ZNF695: variants seen among roughly 807,000 people sequenced by gnomAD.
ZNF695 encodes the protein zinc finger protein 695.
A neutral mutation model predicts 11.2 loss-of-function variants in ZNF695; 11 were observed. That is an observed-to-expected ratio of 0.98 (90% CI 0.62 to 1.62). The LOEUF (loss-of-function observed/expected upper bound fraction) is 1.62. ZNF695 is among the 40% of genes most tolerant of loss of function. The pLI is 0.00. For synonymous variants in ZNF695, 190 were observed against 201.4 expected (o/e 0.94, Z 0.48); for missense variants, 559 against 590.5 (o/e 0.95, Z 0.55).
chr1:246,959,310 A>AATATATATATATATAT (rs1158852538), intron 5 of ZNF695, among the ~76,000 whole-genome samples: 10 of 51,244 alleles, frequency 2.0e-4, no homozygotes, highest in South Asian at 9.1e-4. Flanking sequence ...AAAAAAAAAA[A>AATATATATATATATAT]ATATATATAT....
intron 3 of ZNF695, among the ~76,000 whole-genome samples, chr1:246,992,275 T>G (rs902149229): frequency 2.0e-5 from 3 of 152,110 alleles, no homozygotes; most frequent in African/African-American, 7.2e-5. Context: ...GGTCACCACG[T>G]TAAGTAAAAT....
At chr1:246,970,841 A>G (rs1359900229) in intron 4 of ZNF695, among the ~76,000 whole-genome samples, 2 of 152,234 alleles carry the variant, frequency 1.3e-5, no homozygotes, top group Admixed American at 1.3e-4. Flanking sequence ...AACTTGGCTC[A>G]CTGCAACCTC....
chr1:247,003,166 T>C (rs1669438148), intron 1 of ZNF695, among the ~76,000 whole-genome samples: 1 of 152,222 alleles, frequency 6.6e-6, no homozygotes, highest in African/African-American at 2.4e-5. Context: ...TGCATGTGTA[T>C]GTTCACTGTA....
intron 5 of ZNF695, among the ~76,000 whole-genome samples, chr1:246,946,869 C>T (rs940126754): frequency 1.3e-5 from 2 of 152,098 alleles, no homozygotes; most frequent in African/African-American, 2.4e-5. Flanking sequence ...AGGCTGTGCG[C>T]GGTGGCACAC....
rs777814571 is a variant in ZNF695, at chr1:246,997,372, G to A, written c.259+1976C>T. ...ACAAAAATTTGCCAGATGTGGTGGCGGGCACCTGTAATCCCTGCTACTGGG... is the reference window on the plus strand; with the variant it reads ...ACAAAAATTTGCCAGATGTGGTGGCAGGCACCTGTAATCCCTGCTACTGGG... On this transcript the variant is annotated intron_variant, in intron 3 of 3. Transcript: ENST00000339986. Among the ~76,000 whole-genome samples, 11 of 151,904 alleles carry A rather than the reference G, an allele frequency of 7.2e-5. No homozygotes were observed. In the South Asian group the frequency reaches 1.7e-3, roughly 23 times the overall value.
At chr1:246,973,483 G>A (rs1228789376) in intron 4 of ZNF695, among the ~76,000 whole-genome samples, 2 of 152,168 alleles carry the variant, frequency 1.3e-5, no homozygotes, top group Non-Finnish European at 2.9e-5. Context: ...TGCTACTTGC[G>A]ACCAGCAATT....
At chr1:247,004,146 G>A (rs991624762) in intron 1 of ZNF695, among the ~76,000 whole-genome samples, 1 of 152,174 alleles carries the variant, frequency 6.6e-6, no homozygotes, top group Non-Finnish European at 1.5e-5. Context: ...AGAGGGCGGA[G>A]GTTGCAGTGA....
intron 1 of ZNF695, among the ~76,000 whole-genome samples, chr1:247,002,455 A>T (rs1185516876): frequency 6.6e-6 from 1 of 152,202 alleles, no homozygotes; most frequent in Non-Finnish European, 1.5e-5. Flanking sequence ...GAACTAGAAA[A>T]CCAAGAGCAT....
At chr1:247,003,299 T>C (rs948686361) in intron 1 of ZNF695, among the ~76,000 whole-genome samples, 1 of 152,314 alleles carries the variant, frequency 6.6e-6, no homozygotes, top group East Asian at 1.9e-4. Flanking sequence ...CACAAAATCA[T>C]GTTCTTTGCA....
chr1:246,993,509 C>T (rs984487678), intron 3 of ZNF695, among the ~76,000 whole-genome samples: 2 of 152,140 alleles, frequency 1.3e-5, no homozygotes, highest in African/African-American at 4.8e-5. Context: ...GCCTGGTCAA[C>T]TGGTGTCAGA....
intron 4 of ZNF695, chr1:246,968,615 C>T (rs576573228): frequency 1.1e-4 from 17 of 152,392 alleles, no homozygotes; most frequent in African/African-American, 4.1e-4. Flanking sequence ...CTCCACAGTA[C>T]CCTAGTAGAG....
intron 1 of ZNF695, among the ~76,000 whole-genome samples, chr1:247,001,086 T>C (rs1025356051): frequency 6.6e-6 from 1 of 152,082 alleles, no homozygotes; most frequent in Non-Finnish European, 1.5e-5. Flanking sequence ...ATGCCCCACT[T>C]AAAAAGCAGA....
intron 1 of ZNF695, among the ~76,000 whole-genome samples, chr1:247,002,119 C>A (rs981246166): frequency 2.6e-5 from 4 of 151,848 alleles, no homozygotes; most frequent in African/African-American, 9.7e-5. Context: ...AAAAAAAAAA[C>A]TGTTATCACA....
At chr1:246,967,061 C>T (rs1668308579) in intron 5 of ZNF695, among the ~76,000 whole-genome samples, 3 of 152,180 alleles carry the variant, frequency 2.0e-5, no homozygotes, top group African/African-American at 7.2e-5. Flanking sequence ...GCCTCAGCCT[C>T]CCCAGCAGCT....
chr1:247,007,420 T>C (rs1406772505), intron 1 of ZNF695, among the ~76,000 whole-genome samples: 3 of 130,534 alleles, frequency 2.3e-5, no homozygotes, highest in Non-Finnish European at 3.1e-5. Context: ...CGCTTGAACC[T>C]GGGAGGCAGA....
At chr1:246,955,985 ATTT>A (rs74163714) in intron 5 of ZNF695, among the ~76,000 whole-genome samples, 6 of 132,018 alleles carry the variant, frequency 4.5e-5, no homozygotes, top group Admixed American at 7.8e-5. Context: ...TTTGGATTGG[ATTT>A]TTTTTTTTTT....
downstream of ZNF695, among the ~76,000 whole-genome samples, chr1:246,981,927 T>C (rs1259514626): frequency 6.6e-6 from 1 of 152,034 alleles, no homozygotes; most frequent in Non-Finnish European, 1.5e-5. Flanking sequence ...CAATGAAACA[T>C]AGGAAGAGAT....
At position 246,985,530 on chromosome 1, in the gene ZNF695, G is replaced by A. The variant is rs550827713; in HGVS notation, c.*1437C>T. The A allele has an allele frequency of 4.3e-4, 427 of 985,336 alleles. 1 individual carries two copies. The highest frequency in any genetic ancestry group is 5.0e-4 in the Non-Finnish European group (415 of 829,922). 61.0% of individuals were successfully genotyped at this position (985,336 alleles called of 1,614,324 possible). ...TTGTTACCATTTGTTACCTACAACCGTAACTAAGGTGAGATAGGTTAACGT... is the reference window on the plus strand; with the variant it reads ...TTGTTACCATTTGTTACCTACAACCATAACTAAGGTGAGATAGGTTAACGT... On this transcript the variant is annotated 3_prime_UTR_variant, in exon 4 of 4. Coordinates refer to ENST00000339986, the MANE Select transcript of ZNF695 (RefSeq NM_020394.5).
Position 246,988,038 on chromosome 1 carries a change from A to G in ZNF695, c.477T>C (p.Asn159=). ...ATTTACTAAAACCTTTCACACATTTATTGCATTGAAAGTTTTTGCTATGAG... is the reference window on the plus strand; with the variant it reads ...ATTTACTAAAACCTTTCACACATTTGTTGCATTGAAAGTTTTTGCTATGAG... ...ATTHSKNFQC[N]KCVKGFSKFA... The change falls in exon 4 of 4, where the codon AAT becomes AAC. Residue 159 remains asparagine (N), a synonymous_variant. Transcript: ENST00000339986. The G allele has an allele frequency of 6.2e-7, 1 of 1,602,000 alleles. No homozygotes were observed. The highest frequency in any genetic ancestry group is 1.1e-5 in the South Asian group (1 of 88,712).
Sources: allele counts gnomAD v4.1 joint callset (sites outside exome capture counted in the v4.1 genomes callset), GRCh38; gene constraint gnomAD v4.1.1; transcripts MANE v1.5; gene names NCBI Gene and HGNC (gene_info 2026-07-23, HGNC 2026-07-21).